The following LIMCH1 variants were observed in gnomAD, a reference collection of about 807,000 sequenced individuals.
The protein encoded by LIMCH1 is LIM and calponin homology domains-containing protein 1.
In LIMCH1, 113 loss-of-function variants were observed where a neutral mutation model predicts 176.5. The ratio of observed to expected loss-of-function variants is 0.64; its 90% CI spans 0.55 to 0.75. The LOEUF is 0.75. Among genes scored for constraint, LIMCH1 ranks in the 30% least tolerant of loss-of-function variants. The pLI is 0.00. For missense variants in LIMCH1, 1,674 were observed against 1,814.9 expected, an observed-to-expected ratio of 0.92 and a Z score of 1.41; for synonymous variants, 619 against 645.9, an observed-to-expected ratio of 0.96 and a Z score of 0.63.
In LIMCH1 at chr4:41,462,064, A is replaced by G. The variant is rs148654089; in HGVS notation, c.97-32472A>G. ...AAGTCTGCAAAGTTCTCTTTGTATGATAAATAATTATAAAGGGAACGGTCT... is the reference window on the plus strand; with the variant it reads ...AAGTCTGCAAAGTTCTCTTTGTATGGTAAATAATTATAAAGGGAACGGTCT... On this transcript the variant is annotated intron_variant, in intron 1 of 26. Transcript: ENST00000313860. Among the ~76,000 whole-genome samples, 351 of 152,278 alleles carry G rather than the reference A, an allele frequency of 2.3e-3. 1 individual carries two copies. The highest frequency in any genetic ancestry group is 7.5e-3 in the South Asian group (36 of 4,816).
intron 1 of LIMCH1, among the ~76,000 whole-genome samples, chr4:41,456,426 C>T (rs2064606142): frequency 6.6e-6 from 1 of 152,092 alleles, no homozygotes. Context: ...AAGTAATATG[C>T]CTTGTCTTAA....
intron 18 of LIMCH1, among the ~76,000 whole-genome samples, chr4:41,654,798 A>G (rs911498283): frequency 6.6e-5 from 10 of 152,208 alleles, no homozygotes; most frequent in African/African-American, 2.2e-4. Context: ...GGTGCTGTAT[A>G]TTCTAGGCAG....
intron 6 of LIMCH1, chr4:41,619,908 T>C: frequency 5.3e-6 from 1 of 187,396 alleles, no homozygotes; most frequent in Non-Finnish European, 1.1e-5. Context: ...ATAGTCATAA[T>C]AAATGGATTT....
At chr4:41,501,293 A>T (rs1439816390) in intron 2 of LIMCH1, among the ~76,000 whole-genome samples, 2 of 152,234 alleles carry the variant, frequency 1.3e-5, no homozygotes, top group Non-Finnish European at 2.9e-5. Context: ...TTTCTATCTG[A>T]TCTGAAGCAT....
At chr4:41,385,596 A>C (rs950437981) in intron 1 of LIMCH1, among the ~76,000 whole-genome samples, 5 of 152,202 alleles carry the variant, frequency 3.3e-5, no homozygotes, top group African/African-American at 1.2e-4. Context: ...GGAAAGCAAA[A>C]AAATCACCAT....
At chr4:41,404,261 A>AT (rs1370175753) in intron 1 of LIMCH1, among the ~76,000 whole-genome samples, 1 of 151,692 alleles carries the variant, frequency 6.6e-6, no homozygotes, top group Non-Finnish European at 1.5e-5. Flanking sequence ...TTGAGACATG[A>AT]TTCATGGGCC....
Position 41,680,815 on chromosome 4 carries a change from T to A in LIMCH1, c.3613-140T>A. 3.9e-6 allele frequency: 2 copies of A among 506,994 alleles called. 1 individual carries two copies. Among genetic ancestry groups the A allele is most frequent in the South Asian group, 5.5e-5 (2 of 36,164 alleles). The allele number at this position is 506,994 out of a possible 1,614,324, so 31.4% of individuals were successfully genotyped here. On this transcript the variant is annotated intron_variant, in intron 24 of 31. Transcript: ENST00000503057. ...GAGTGTTATATGATTTGCATGCTTT[T>A]GGAAAATAAGACTTTTTAAAATGCC...
At chr4:41,542,767 T>C (rs1202046392) in intron 1 of LIMCH1, among the ~76,000 whole-genome samples, 2 of 152,194 alleles carry the variant, frequency 1.3e-5, no homozygotes, top group Non-Finnish European at 2.9e-5. Flanking sequence ...CAGTATTTCC[T>C]GAAGTCAGAG....
chr4:41,646,327 G>GTTT, intron 16 of LIMCH1, 47 bp downstream of exon 16: 4 of 1,383,052 alleles, frequency 2.9e-6, no homozygotes, highest in Non-Finnish European at 3.9e-6. Flanking sequence ...TTATCTAGGT[G>GTTT]TTTTTTTTTT....
At chr4:41,586,818 G>A (rs1006635404) in intron 1 of LIMCH1, among the ~76,000 whole-genome samples, 4 of 152,124 alleles carry the variant, frequency 2.6e-5, no homozygotes, top group Non-Finnish European at 5.9e-5. Flanking sequence ...CTTGAGAGGC[G>A]ATACAGCTGC....
At chr4:41,484,049 T>C (rs2069104266) in intron 1 of LIMCH1, among the ~76,000 whole-genome samples, 1 of 152,248 alleles carries the variant, frequency 6.6e-6, no homozygotes, top group Non-Finnish European at 1.5e-5. Context: ...AAAGTTGTTA[T>C]GAGGTTTAAA....
At chr4:41,604,202 A>G in intron 3 of LIMCH1, 1 of 985,018 alleles carries the variant, frequency 1.0e-6, no homozygotes, top group Non-Finnish European at 1.2e-6. Context: ...GCTCAATACT[A>G]ACATTAGCCC....
At chr4:41,622,866 G>A (rs1180682976) in intron 7 of LIMCH1, among the ~76,000 whole-genome samples, 1 of 152,130 alleles carries the variant, frequency 6.6e-6, no homozygotes, top group South Asian at 2.1e-4. Context: ...CAGGTCTTCT[G>A]ACTTAGCATT....
At chr4:41,572,293 TAG>T (rs2083684071) in intron 1 of LIMCH1, among the ~76,000 whole-genome samples, 1 of 152,340 alleles carries the variant, frequency 6.6e-6, no homozygotes, top group Non-Finnish European at 1.5e-5. Flanking sequence ...TTCGGGGGTT[TAG>T]AAACCACAGA....
intron 1 of LIMCH1, among the ~76,000 whole-genome samples, chr4:41,373,245 G>A (rs1166766251): frequency 4.6e-5 from 7 of 152,334 alleles, no homozygotes; most frequent in African/African-American, 1.7e-4. Context: ...ATGCAAAAAT[G>A]AGCAAGAAAT....
intron 1 of LIMCH1, among the ~76,000 whole-genome samples, chr4:41,378,985 A>G (rs534448609): frequency 6.6e-6 from 1 of 152,162 alleles, no homozygotes; most frequent in Non-Finnish European, 1.5e-5. Flanking sequence ...AGTAGAAGGG[A>G]CACTTTAGAT....
chr4:41,446,053 A>G (rs1374304795), intron 1 of LIMCH1, among the ~76,000 whole-genome samples: 1 of 152,194 alleles, frequency 6.6e-6, no homozygotes, highest in African/African-American at 2.4e-5. Flanking sequence ...TACATTGGGT[A>G]ATTTTGTTAA....
chr4:41,561,415 T>G (rs1250641128), intron 1 of LIMCH1, among the ~76,000 whole-genome samples: 1 of 152,176 alleles, frequency 6.6e-6, no homozygotes, highest in African/African-American at 2.4e-5. Flanking sequence ...TGTTCGTAAA[T>G]GATGATGAAC....
intron 3 of LIMCH1, among the ~76,000 whole-genome samples, chr4:41,530,972 C>T (rs2077226235): frequency 6.6e-6 from 1 of 151,690 alleles, no homozygotes; most frequent in Admixed American, 6.6e-5. Flanking sequence ...CTTTACAACA[C>T]ACCTGTGATG....
Sources: allele counts gnomAD v4.1 joint callset (sites outside exome capture counted in the v4.1 genomes callset), GRCh38; gene constraint gnomAD v4.1.1; transcripts MANE v1.5; gene names NCBI Gene and HGNC (gene_info 2026-07-23, HGNC 2026-07-21).